GALNT18: variants seen among roughly 807,000 people sequenced by gnomAD.
GALNT18 encodes polypeptide N-acetylgalactosaminyltransferase 18.
GALNT18 carries 44 observed loss-of-function variants against 69.5 expected under a neutral mutation model. The observed-to-expected ratio is 0.63, with a 90% CI of 0.50 to 0.81. The LOEUF is 0.81. Among genes scored for constraint, GALNT18 ranks in the 40% least tolerant of loss-of-function variants. GALNT18 has a pLI of 0.00. For synonymous variants in GALNT18, 364 were observed against 318.2 expected (o/e 1.14, Z -1.53); for missense variants, 715 against 810.0 (o/e 0.88, Z 1.42).
At chr11:11,471,402 C>A (rs1003658439) in intron 1 of GALNT18, among the ~76,000 whole-genome samples, 3 of 152,156 alleles carry the variant, frequency 2.0e-5, no homozygotes, top group Admixed American at 2.0e-4. Context: ...CTGGTCCAGC[C>A]CTGACATAGT....
At chr11:11,491,975 G>C (rs1017934876) in intron 1 of GALNT18, among the ~76,000 whole-genome samples, 4 of 152,212 alleles carry the variant, frequency 2.6e-5, no homozygotes, top group Admixed American at 2.0e-4. Context: ...GAAAGGAAGA[G>C]TACCTATGAT....
chr11:11,293,201 C>T lies in GALNT18; in HGVS notation c.1513-8G>A, dbSNP rs376700751. On this transcript the variant is annotated splice_region_variant and splice_polypyrimidine_tract_variant and intron_variant, in intron 9 of 10. Coordinates refer to ENST00000227756, the MANE Select transcript of GALNT18 (RefSeq NM_198516.3). ...GCTCGTGTAGTACACGTTCTGGGGG[C>T]GGAGGGAGGGAGAGAGTGTGGATAA... 2.3e-5 allele frequency: 30 copies of T among 1,318,892 alleles called. No individual in the cohort carries two copies. The highest frequency in any genetic ancestry group is 9.1e-5 in the Admixed American group (3 of 32,838). 81.7% of individuals were successfully genotyped at this position (1,318,892 alleles called of 1,614,324 possible).
At chr11:11,588,757 G>A (rs1859283926) in intron 1 of GALNT18, among the ~76,000 whole-genome samples, 1 of 152,192 alleles carries the variant, frequency 6.6e-6, no homozygotes, top group African/African-American at 2.4e-5. Flanking sequence ...TGCATTTATT[G>A]AGAGTGACTT....
At chr11:11,549,547 C>A (rs1250296306) in intron 1 of GALNT18, among the ~76,000 whole-genome samples, 1 of 152,222 alleles carries the variant, frequency 6.6e-6, no homozygotes, top group East Asian at 1.9e-4. Context: ...GAAGTTGGCA[C>A]TGGCACAGGC....
rs1857053730 is a variant in GALNT18, at chr11:11,505,618, T to C, written c.236-56682A>G. On this transcript the variant is annotated intron_variant, in intron 1 of 10. Coordinates refer to ENST00000227756, the MANE Select transcript of GALNT18 (RefSeq NM_198516.3). The surrounding 1 kb of genome is among the most constrained non-coding windows in gnomAD (Gnocchi z 4.6). ...CATCATCTGGATTCAGTCTCCGACATCCCAATGAAAGCATTCTCACTAAGA... is the reference window on the plus strand; with the variant it reads ...CATCATCTGGATTCAGTCTCCGACACCCCAATGAAAGCATTCTCACTAAGA... Among the ~76,000 whole-genome samples, 1 of 152,166 alleles carries C rather than the reference T, an allele frequency of 6.6e-6. No homozygotes were observed. Among genetic ancestry groups the C allele is most frequent in the Non-Finnish European group, 1.5e-5 (1 of 68,030 alleles).
Position 11,369,767 on chromosome 11 carries a change from T to C in GALNT18, c.1092+2748A>G, listed in dbSNP as rs572451666. Among the ~76,000 whole-genome samples, 4 of 152,272 alleles carry C rather than the reference T, an allele frequency of 2.6e-5. No individual in the cohort carries two copies. In the South Asian group the frequency reaches 8.3e-4, roughly 32 times the overall value. ...CTCATTTCGTTGTGCTTGGCCATAG[T>C]AGCTCCTTCCTTTTTCTCATTGTGT... On this transcript the variant is annotated intron_variant, in intron 6 of 10. Coordinates refer to ENST00000227756, the MANE Select transcript of GALNT18 (RefSeq NM_198516.3).
chr11:11,377,160 C>T lies in GALNT18; in HGVS notation c.977+22G>A, dbSNP rs764095654. 2 of 1,607,818 alleles carry T rather than the reference C, an allele frequency of 1.2e-6. No individual in the cohort carries two copies. The highest frequency in any genetic ancestry group is 1.7e-6 in the Non-Finnish European group (2 of 1,176,086). The stretch of plus-strand genomic sequence containing the variant: ...GCCTGGAGGTCAAAGCGGAGAGACC[C>T]ACAGGTAAAGGTTTGCTTTACCTGA... On this transcript the variant is annotated intron_variant, in intron 5 of 10. Coordinates refer to ENST00000227756, the MANE Select transcript of GALNT18 (RefSeq NM_198516.3). The surrounding 1 kb of genome is among the most constrained non-coding windows in gnomAD (Gnocchi z 4.6).
intron 10 of GALNT18, among the ~76,000 whole-genome samples, chr11:11,281,940 G>A (rs1221260063): frequency 6.6e-6 from 1 of 152,020 alleles, no homozygotes; most frequent in Non-Finnish European, 1.5e-5. Flanking sequence ...TCTAGAACTG[G>A]TAGTAAGGCC....
At position 11,546,532 on chromosome 11, in the gene GALNT18, A is replaced by G. The variant is rs2133963090; in HGVS notation, c.235+74827T>C. Among the ~76,000 whole-genome samples, 1 of 152,298 alleles carries G rather than the reference A, an allele frequency of 6.6e-6. No individual in the cohort carries two copies. The highest frequency in any genetic ancestry group is 2.1e-4 in the South Asian group (1 of 4,820). On this transcript the variant is annotated intron_variant, in intron 1 of 10. Transcript: ENST00000227756. This position sits in a 1 kb window ranked among gnomAD's most constrained non-coding sequence, Gnocchi z 5.8. Reference sequence around the variant, plus strand: ...CTACAAATCAAATTCTGCCACTGCAATGCTGTAAAAGGTATCACGGCTCCC... The same window carrying G: ...CTACAAATCAAATTCTGCCACTGCAGTGCTGTAAAAGGTATCACGGCTCCC...
Position 11,497,327 on chromosome 11 carries a change from A to AACACACACACACACACACAC in GALNT18, c.236-48411_236-48392dup, listed in dbSNP as rs61001797. On this transcript the variant is annotated intron_variant, in intron 1 of 10. Coordinates refer to ENST00000227756, the MANE Select transcript of GALNT18 (RefSeq NM_198516.3). The surrounding 1 kb of genome is among the most constrained non-coding windows in gnomAD (Gnocchi z 4.2). ...TATTTATGTTTTACCTCCTGTCTCC[A>AACACACACACACACACACAC]ACACACACACACACACACACACACA... Among the ~76,000 whole-genome samples the AACACACACACACACACACAC allele has an allele frequency of 5.0e-3, 662 of 132,288 alleles. 9 individuals are homozygous for AACACACACACACACACACAC. The highest frequency in any genetic ancestry group is 0.014 in the East Asian group (60 of 4,330). 86.8% of individuals were successfully genotyped at this position (132,288 alleles called of 152,430 possible). A position where few individuals can be genotyped will look rare whatever the true frequency, so the allele number is the denominator to read the frequency against.
chr11:11,412,642 C>T (rs899642688), intron 3 of GALNT18, among the ~76,000 whole-genome samples: 1 of 151,884 alleles, frequency 6.6e-6, no homozygotes, highest in Non-Finnish European at 1.5e-5. Context: ...GATTTGGACA[C>T]AGTCAATATC....
rs572797039 is a variant in GALNT18 at position 11,572,077 on chromosome 11, G to A, written c.235+49282C>T. Among the ~76,000 whole-genome samples, 3 of 152,242 alleles carry A rather than the reference G, an allele frequency of 2.0e-5. No homozygotes were observed. The South Asian group carries it at 6.2e-4, about 31-fold the overall frequency. On this transcript the variant is annotated intron_variant, in intron 1 of 10. Coordinates refer to ENST00000227756, the MANE Select transcript of GALNT18 (RefSeq NM_198516.3). ...GATCTGAGGTGTGGCACAGGACTCTGTATTTTCCTGGTTCTCCAGCTCTCC... is the reference window on the plus strand; with the variant it reads ...GATCTGAGGTGTGGCACAGGACTCTATATTTTCCTGGTTCTCCAGCTCTCC...
intron 1 of GALNT18, among the ~76,000 whole-genome samples, chr11:11,522,046 C>A (rs1395582557): frequency 1.3e-5 from 2 of 152,124 alleles, no homozygotes; most frequent in African/African-American, 4.8e-5. Flanking sequence ...ATGGAGAAGA[C>A]CCTAGAGCCA....
At chr11:11,409,958 T>C (rs1030532306) in intron 3 of GALNT18, among the ~76,000 whole-genome samples, 1 of 152,176 alleles carries the variant, frequency 6.6e-6, no homozygotes, top group African/African-American at 2.4e-5. Context: ...AGAAGTTAAC[T>C]CAAAGCTCCC....
chr11:11,380,365 C>T (rs1012042715), intron 3 of GALNT18, among the ~76,000 whole-genome samples: 5 of 152,146 alleles, frequency 3.3e-5, no homozygotes, highest in South Asian at 4.1e-4. Context: ...CTTGTGTTTC[C>T]GCATATTTCA....
At position 11,435,702 on chromosome 11, in the gene GALNT18, C is replaced by T. The variant is rs907009881; in HGVS notation, c.429-2915G>A. On this transcript the variant is annotated intron_variant, in intron 2 of 10. Transcript: ENST00000227756. This position sits in a 1 kb window ranked among gnomAD's most constrained non-coding sequence, Gnocchi z 4.4. ...CCTAACAGCTTGCTTGTTTTATCTA[C>T]GGCCTACATTTTGAGTGTCTGCCGC... Among the ~76,000 whole-genome samples, 2 of 152,184 alleles carry T rather than the reference C, an allele frequency of 1.3e-5. No individual in the cohort carries two copies. The highest frequency in any genetic ancestry group is 6.5e-5 in the Admixed American group (1 of 15,300).
Position 11,584,543 on chromosome 11 carries a change from G to A in GALNT18, c.235+36816C>T, listed in dbSNP as rs1428821945. ...TCTGAACACGTAAGGACCGAGAGGC[G>A]AGTCTTCAGTGAAACACCCACAGAG... is the stretch of plus-strand genomic sequence containing the variant. On this transcript the variant is annotated intron_variant, in intron 1 of 10. Transcript: ENST00000227756. This position sits in a 1 kb window ranked among gnomAD's most constrained non-coding sequence, Gnocchi z 4.1. Among the ~76,000 whole-genome samples the A allele has an allele frequency of 2.6e-5, 4 of 152,150 alleles. No individual in the cohort carries two copies. In the East Asian group the frequency reaches 5.8e-4, roughly 22 times the overall value.
rs758288909 is a variant in GALNT18 at position 11,332,774 on chromosome 11, G to A, written c.1336C>T (p.Gln446Ter). The A allele has an allele frequency of 1.2e-6, 2 of 1,613,908 alleles. No homozygotes were observed. The highest frequency in any genetic ancestry group is 1.7e-6 in the Non-Finnish European group (2 of 1,179,986). ...AGGTACCACCGGAAGGTCTTGCACT[G>A]CAGCTGTTTCCTGAGAGCCTTCCTT... is the stretch of plus-strand genomic sequence containing the variant. Reference protein sequence around the residue: ...TARKALRKQLQCKTFRWYLVS... With the variant: ...TARKALRKQL Residue 446 changes from glutamine to a stop codon, truncating the protein, a stop_gained, in exon 8 of 11, where the codon CAG (glutamine) becomes TAG (stop). Coordinates refer to ENST00000227756, the MANE Select transcript of GALNT18 (RefSeq NM_198516.3). LOFTEE classifies it high-confidence loss of function. This position sits in a 1 kb window ranked among gnomAD's most constrained non-coding sequence, Gnocchi z 4.3.
At chr11:11,366,644 G>A (rs532632632) in intron 6 of GALNT18, among the ~76,000 whole-genome samples, 13 of 152,032 alleles carry the variant, frequency 8.6e-5, no homozygotes, top group East Asian at 5.8e-4. Flanking sequence ...GAAAGAATTC[G>A]AAAATATAGA....
Sources: gnomAD v4.1 joint callset for allele counts (sites outside exome capture counted in the v4.1 genomes callset) on GRCh38, gnomAD v4.1.1 for gene constraint, Gnocchi (gnomAD v3.1) non-coding constraint, MANE v1.5 for transcripts, NCBI Gene and HGNC (gene_info 2026-07-23, HGNC 2026-07-21) for gene names.